NIN: variants seen among roughly 807,000 people sequenced by gnomAD.
NIN encodes the protein ninein.
A neutral mutation model predicts 257.6 loss-of-function variants in NIN; 137 were observed. The observed-to-expected ratio is 0.53, with a 90% CI of 0.46 to 0.61. The LOEUF (loss-of-function observed/expected upper bound fraction) is 0.61. Ranked by LOEUF, NIN falls within the 20% of genes least tolerant of loss-of-function variation. NIN has a pLI of 0.00. For missense variants in NIN, 2,439 were observed against 2,501.2 expected (o/e 0.98, Z 0.53); for synonymous variants, 918 against 919.8 (o/e 1.00, Z 0.04).
At chr14:50,806,553 C>A (rs1452210121) in intron 4 of NIN, 184 bp downstream of exon 4, 1 of 494,662 alleles carries the variant, frequency 2.0e-6, no homozygotes, top group African/African-American at 2.0e-5. Flanking sequence ...AGAGAAGTCT[C>A]ATTTTAGTGT....
chr14:50,817,282 G>C lies in NIN; in HGVS notation c.183+4592C>G, dbSNP rs528976718. Among the ~76,000 whole-genome samples the C allele has an allele frequency of 7.9e-5, 12 of 152,232 alleles. No homozygotes were observed. The South Asian group carries it at 2.5e-3, about 32-fold the overall frequency. On this transcript the variant is annotated intron_variant, in intron 3 of 30. Transcript: ENST00000530997. The stretch of plus-strand genomic sequence containing the variant: ...AATATTGAATGTAATTTTGCATACA[G>C]AGAACAAGTCCAAATAAGCACTACA...
rs1298345747 is a variant in NIN, at chr14:50,830,515, G to C, written c.-73C>G. ...GCACAGCCGGCAGCCCGCCTCCAGC[G>C]CTCTGCAAAGCGAAGGAGGACGCTT... On this transcript the variant is annotated splice_region_variant and 5_prime_UTR_variant, in exon 2 of 31. Transcript: ENST00000530997. 6.0e-6 allele frequency: 1 copy of C among 167,580 alleles called. No homozygotes were observed. The highest frequency in any genetic ancestry group is 1.5e-5 in the Non-Finnish European group (1 of 68,256). The allele number at this position is 167,580 out of a possible 1,614,324, so 10.4% of individuals were successfully genotyped here.
In NIN at chr14:50,763,863, T is replaced by G. The variant is rs781172454; in HGVS notation, c.1737A>C (p.Glu579Asp). ...RLPLKNSPSE[E>D]VEANSGGIEP... Reference sequence around the variant, plus strand: ...CAATGCCACCGCTGTTAGCCTCAACTTCTTCTGACGGTGAGTTCTTCAACG... The same window carrying G: ...CAATGCCACCGCTGTTAGCCTCAACGTCTTCTGACGGTGAGTTCTTCAACG... Residue 579 changes from glutamate to aspartate, a missense_variant, in exon 15 of 31, where the codon GAA (glutamate) becomes GAC (aspartate). Transcript: ENST00000530997. The G allele has an allele frequency of 8.7e-6, 14 of 1,612,746 alleles. No homozygotes were observed. The highest frequency in any genetic ancestry group is 1.2e-5 in the Non-Finnish European group (14 of 1,178,894).
At position 50,829,902 on chromosome 14, in the gene NIN, G is replaced by A. The variant is rs1001300459; in HGVS notation, c.-22+562C>T. On this transcript the variant is annotated intron_variant, in intron 2 of 30. Transcript: ENST00000530997. Reference sequence around the variant, plus strand: ...AGCTACAGAAGCCTAGCCGCTGGAAGCTTCCTTCCCCGACACTCCATACCT... The same window carrying A: ...AGCTACAGAAGCCTAGCCGCTGGAAACTTCCTTCCCCGACACTCCATACCT... Among the ~76,000 whole-genome samples the A allele has an allele frequency of 2.4e-4, 37 of 152,286 alleles. 1 individual carries two copies. Among genetic ancestry groups the A allele is most frequent in the Admixed American group, 1.9e-3 (29 of 15,296 alleles).
intron 3 of NIN, among the ~76,000 whole-genome samples, chr14:50,809,772 A>G (rs2044495253): frequency 6.6e-6 from 1 of 152,242 alleles, no homozygotes; most frequent in African/African-American, 2.4e-5. Flanking sequence ...GCTTTACATG[A>G]GGCCTAAGTA....
intron 3 of NIN, among the ~76,000 whole-genome samples, chr14:50,813,746 T>C (rs1399857765): frequency 1.3e-5 from 2 of 152,188 alleles, no homozygotes; most frequent in African/African-American, 4.8e-5. Flanking sequence ...CTACTGGAAA[T>C]AGACCCAAGG....
intron 20 of NIN, 68 bp from the exon 21 acceptor site, chr14:50,752,801 AT>A: frequency 1.2e-6 from 1 of 842,560 alleles, no homozygotes; most frequent in Non-Finnish European, 1.8e-6. Flanking sequence ...AAAAAAACAG[AT>A]TTAGAGACAT....
At chr14:50,771,981 G>A (rs755791579) in intron 9 of NIN, 5 of 224,042 alleles carry the variant, frequency 2.2e-5, no homozygotes, top group Admixed American at 5.4e-5. Context: ...ACGAGACTCC[G>A]TCTCAAAAAA....
intron 16 of NIN, 35 bp from the exon 17 acceptor site, chr14:50,760,394 T>C: frequency 6.6e-7 from 1 of 1,516,828 alleles, no homozygotes; most frequent in Non-Finnish European, 8.9e-7. Context: ...ACAAGATTAC[T>C]CAGCTCAAGG....
At chr14:50,765,072 A>T (rs1256240699) in intron 14 of NIN, among the ~76,000 whole-genome samples, 8 of 137,632 alleles carry the variant, frequency 5.8e-5, no homozygotes, top group Non-Finnish European at 1.1e-4. Context: ...TTAAAAAAAA[A>T]AAAAAAAAAA....
chr14:50,740,966 C>T (rs557576045), intron 25 of NIN, among the ~76,000 whole-genome samples: 1 of 152,334 alleles, frequency 6.6e-6, no homozygotes, highest in Admixed American at 6.5e-5. Flanking sequence ...ACCACACCAC[C>T]ATAATGTGTC....
At chr14:50,751,781 C>T (rs911651474) in intron 21 of NIN, among the ~76,000 whole-genome samples, 1 of 152,182 alleles carries the variant, frequency 6.6e-6, no homozygotes, top group African/African-American at 2.4e-5. Flanking sequence ...CCTGCCTCGG[C>T]CTCCCAAAGT....
chr14:50,810,835 T>C (rs1013049648), intron 3 of NIN, among the ~76,000 whole-genome samples: 5 of 151,598 alleles, frequency 3.3e-5, no homozygotes, highest in South Asian at 2.1e-4. Context: ...TAATTTTTTT[T>C]GTATTTTTAG....
At chr14:50,818,684 T>C (rs2045050888) in intron 3 of NIN, among the ~76,000 whole-genome samples, 1 of 152,190 alleles carries the variant, frequency 6.6e-6, no homozygotes, top group African/African-American at 2.4e-5. Flanking sequence ...ATCGGCAATA[T>C]CCCTTTTCCT....
At chr14:50,763,258 T>C (rs11845543) in intron 15 of NIN, among the ~76,000 whole-genome samples, 2,961 of 151,542 alleles carry the variant, frequency 0.02, 87 homozygotes, top group African/African-American at 0.068. Context: ...AAGGAGCTCA[T>C]AGTTAATGCA....
intron 9 of NIN, among the ~76,000 whole-genome samples, chr14:50,771,804 G>A (rs549047681): frequency 2.0e-5 from 3 of 152,140 alleles, no homozygotes; most frequent in East Asian, 1.9e-4. Context: ...TGGCCAACAC[G>A]GTGAAACCCT....
intron 2 of NIN, among the ~76,000 whole-genome samples, chr14:50,825,437 G>A (rs1447346820): frequency 6.6e-6 from 1 of 152,166 alleles, no homozygotes; most frequent in African/African-American, 2.4e-5. Flanking sequence ...CACTGTAACT[G>A]GGAATTACTT....
intron 28 of NIN, 136 bp downstream of exon 28, chr14:50,735,378 GAC>G: frequency 7.9e-7 from 1 of 1,258,634 alleles, no homozygotes; most frequent in Non-Finnish European, 1.1e-6. Context: ...TGGTAAGGCG[GAC>G]CAAAGAATTC....
intron 9 of NIN, chr14:50,772,071 G>C: frequency 2.3e-6 from 1 of 444,154 alleles, no homozygotes; most frequent in East Asian, 3.5e-5. Context: ...AAACACAATT[G>C]TAAGAGTATT....
Sources: allele counts gnomAD v4.1 joint callset (sites outside exome capture counted in the v4.1 genomes callset), GRCh38; gene constraint gnomAD v4.1.1; transcripts MANE v1.5; gene names NCBI Gene and HGNC (gene_info 2026-07-23, HGNC 2026-07-21).